Variants in LBR observed in about 807,000 individuals in gnomAD.
LBR encodes lamin B receptor.
A neutral mutation model predicts 74.3 loss-of-function variants in LBR; 28 were observed. The observed-to-expected ratio is 0.38, with a 90% CI of 0.28 to 0.52. The LOEUF (loss-of-function observed/expected upper bound fraction) is 0.52. LBR is among the 20% of genes least tolerant of loss of function. The probability of loss-of-function intolerance (pLI) is 0.89; values close to 1 mark genes in which losing one functional copy is unlikely to be tolerated. For missense variants in LBR, 717 were observed against 760.3 expected, an observed-to-expected ratio of 0.94 and a Z score of 0.67; for synonymous variants, 228 against 269.3, an observed-to-expected ratio of 0.85 and a Z score of 1.50.
chr1:225,414,649 T>C (rs1392358397), intron 7 of LBR, among the ~76,000 whole-genome samples: 1 of 152,190 alleles, frequency 6.6e-6, no homozygotes, highest in African/African-American at 2.4e-5. Flanking sequence ...CATGCCCATC[T>C]TCCTAGCACC....
Position 225,410,436 on chromosome 1 carries a change from T to C in LBR, c.1189-20A>G. 7 of 1,613,422 alleles carry C rather than the reference T, an allele frequency of 4.3e-6. No homozygotes were observed. The highest frequency in any genetic ancestry group is 5.1e-6 in the Non-Finnish European group (6 of 1,179,746). On this transcript the variant is annotated intron_variant, in intron 9 of 13. Coordinates refer to ENST00000272163, the MANE Select transcript of LBR (RefSeq NM_002296.4). ...AACCACCTGAAACAAAAGGGGAAAG[T>C]ATATAGCCTCAAAGCACCTCCCCAG... is the stretch of plus-strand genomic sequence containing the variant.
At chr1:225,419,477 A>G (rs898925393) in intron 4 of LBR, 25 bp from the exon 5 acceptor site, 8 of 1,513,838 alleles carry the variant, frequency 5.3e-6, no homozygotes, top group Admixed American at 3.4e-5. Context: ...TAAAAATTAA[A>G]TATCTGCAGT....
intron 13 of LBR, among the ~76,000 whole-genome samples, chr1:225,403,745 C>A (rs937602955): frequency 6.6e-6 from 1 of 152,196 alleles, no homozygotes; most frequent in African/African-American, 2.4e-5. Context: ...ATTTCTCGCC[C>A]TTCTTCCCCC....
chr1:225,419,767 T>A lies in LBR; in HGVS notation c.398A>T (p.Asn133Ile), dbSNP rs553765740. 16 of 1,612,354 alleles carry A rather than the reference T, an allele frequency of 9.9e-6. No homozygotes were observed. The highest frequency in any genetic ancestry group is 1.7e-4 in the Middle Eastern group (1 of 6,054). ...KPFGNSISRY[N>I]GEPEHIERND... ...TCTCTCAATATGCTCAGGCTCCCCA[T>A]TATATCTGCTGATGCTATTTCCAAA... The change falls in exon 4 of 14, where the codon AAT (asparagine) becomes ATT (isoleucine). Residue 133 changes from asparagine to isoleucine, a missense_variant. Physicochemically the swap from Asn to Ile is moderately radical, Grantham distance 149. Transcript: ENST00000272163.
intron 8 of LBR, among the ~76,000 whole-genome samples, 176 bp from the exon 9 acceptor site, chr1:225,411,616 T>C (rs2096105910): frequency 6.6e-6 from 1 of 152,214 alleles, no homozygotes; most frequent in African/African-American, 2.4e-5. Context: ...AGGAGATGCC[T>C]GCCCGACTGA....
intron 2 of LBR, among the ~76,000 whole-genome samples, chr1:225,423,463 C>CG (rs2150959604): frequency 6.6e-6 from 1 of 152,012 alleles, no homozygotes; most frequent in African/African-American, 2.4e-5. Flanking sequence ...CCTTCCAGCA[C>CG]TTGGCTGACT....
intron 7 of LBR, chr1:225,414,160 T>A (rs1166731852): frequency 2.8e-5 from 13 of 456,524 alleles, no homozygotes; most frequent in Non-Finnish European, 5.7e-5. Context: ...ATACCAATGA[T>A]AAGTATTAAG....
chr1:225,416,433 A>T (rs1051389440), intron 6 of LBR, among the ~76,000 whole-genome samples: 1 of 152,194 alleles, frequency 6.6e-6, no homozygotes, highest in African/African-American at 2.4e-5. Context: ...GTAAAATATA[A>T]ATATAGTATC....
At chr1:225,421,251 T>C (rs1575229503) in intron 3 of LBR, among the ~76,000 whole-genome samples, 1 of 152,240 alleles carries the variant, frequency 6.6e-6, no homozygotes, top group Non-Finnish European at 1.5e-5. Flanking sequence ...CCCAGCACTT[T>C]GGGAGGCCGA....
Position 225,411,420 on chromosome 1 carries a change from A to G in LBR, c.1105T>C (p.Phe369Leu). Residue 369 changes from phenylalanine (F) to leucine (L), a missense_variant, in exon 9 of 14, where the codon TTC (phenylalanine) becomes CTC (leucine). Phe to Leu is a conservative substitution (Grantham distance 22). Coordinates refer to ENST00000272163, the MANE Select transcript of LBR (RefSeq NM_002296.4). Reference protein sequence around the residue: ...ASSGNAVYDFFIGRELNPRIG... With the variant: ...ASSGNAVYDFLIGRELNPRIG... ...CGAGGGTTTAATTCACGGCCAATGA[A>G]GAAATCATAGACAGCATTTCCTGAG... The G allele has an allele frequency of 2.5e-6, 4 of 1,613,578 alleles. No individual in the cohort carries two copies. Among genetic ancestry groups the G allele is most frequent in the Non-Finnish European group, 3.4e-6 (4 of 1,179,424 alleles).
chr1:225,415,886 T>TTATATATATATTGCCCATCCA (rs2096116182), intron 6 of LBR, among the ~76,000 whole-genome samples: 1 of 152,160 alleles, frequency 6.6e-6, no homozygotes, highest in Non-Finnish European at 1.5e-5. Flanking sequence ...AACCATTTCA[T>TTATATATATATTGCCCATCCA]GTGATTCTTT....
At chr1:225,426,796 C>T (rs1486168422) in intron 1 of LBR, among the ~76,000 whole-genome samples, 1 of 152,142 alleles carries the variant, frequency 6.6e-6, no homozygotes, top group Non-Finnish European at 1.5e-5. Flanking sequence ...ACAGAAAGGC[C>T]ACCTTCCTGG....
intron 5 of LBR, 28 bp from the exon 6 acceptor site, chr1:225,418,208 C>CTCAAATT: frequency 6.3e-7 from 1 of 1,596,562 alleles, no homozygotes; most frequent in South Asian, 1.1e-5. Context: ...ACATTCGAGG[C>CTCAAATT]TCAAATTTCA....
intron 2 of LBR, 63 bp from the exon 3 acceptor site, chr1:225,422,340 C>CA: frequency 7.6e-7 from 1 of 1,323,962 alleles, no homozygotes; most frequent in East Asian, 2.4e-5. Flanking sequence ...GACAGACCCA[C>CA]ACTAGAAGAG....
Position 225,402,469 on chromosome 1 carries a change from A to G in LBR, c.*834T>C, listed in dbSNP as rs1009566864. The stretch of plus-strand genomic sequence containing the variant: ...GCAAAGCCAAATTCACAAACTTTGG[A>G]TCAAGAAAAATACCCTTCCTATGTT... On this transcript the variant is annotated 3_prime_UTR_variant, in exon 14 of 14. Coordinates refer to ENST00000272163, the MANE Select transcript of LBR (RefSeq NM_002296.4). The G allele has an allele frequency of 2.0e-5, 3 of 152,626 alleles. No individual in the cohort carries two copies. Among genetic ancestry groups the G allele is most frequent in the Non-Finnish European group, 2.9e-5 (2 of 68,014 alleles). 9.5% of individuals were successfully genotyped at this position (152,626 alleles called of 1,614,324 possible).
chr1:225,417,312 C>G (rs1389671931), intron 6 of LBR, among the ~76,000 whole-genome samples: 1 of 152,118 alleles, frequency 6.6e-6, no homozygotes, highest in Non-Finnish European at 1.5e-5. Context: ...AGAATAAGAT[C>G]TTTAAATAAA....
intron 11 of LBR, 106 bp downstream of exon 11, chr1:225,406,558 T>C (rs769539613): frequency 1.1e-5 from 11 of 992,046 alleles, no homozygotes; most frequent in African/African-American, 9.9e-5. Context: ...ACTGAGCTAA[T>C]GCTGGCCATT....
At chr1:225,423,760 C>G in intron 2 of LBR, 151 bp downstream of exon 2, 1 of 779,612 alleles carries the variant, frequency 1.3e-6, no homozygotes, top group South Asian at 1.5e-5. Context: ...TCATACATTC[C>G]CAGAGCCAAA....
chr1:225,428,800 G>A (rs759614307), upstream of LBR: 10 of 152,208 alleles, frequency 6.6e-5, no homozygotes, highest in Non-Finnish European at 1.3e-4. Flanking sequence ...AGTTTTATGC[G>A]TTACACACCG....
Sources: gnomAD v4.1 joint callset for allele counts (sites outside exome capture counted in the v4.1 genomes callset) on GRCh38, gnomAD v4.1.1 for gene constraint, MANE v1.5 for transcripts, NCBI Gene and HGNC (gene_info 2026-07-23, HGNC 2026-07-21) for gene names.